Variants in CEP128 observed in about 807,000 individuals in gnomAD.
The protein encoded by CEP128 is centrosomal protein 128kDa.
Under a neutral mutation model 156.7 loss-of-function variants are expected in CEP128, and 132 were observed. The ratio of observed to expected loss-of-function variants is 0.84; its 90% CI spans 0.73 to 0.97. The LOEUF is 0.97. Ranked by LOEUF, CEP128 falls within the 50% of genes least tolerant of loss-of-function variation. The probability of loss-of-function intolerance (pLI) is 0.00; values close to 1 mark genes in which losing one functional copy is unlikely to be tolerated. For synonymous variants in CEP128, 469 were observed against 448.9 expected (o/e 1.04, Z -0.57); for missense variants, 1,252 against 1,281.9 (o/e 0.98, Z 0.36).
intron 19 of CEP128, among the ~76,000 whole-genome samples, chr14:80,628,163 A>G (rs988011356): frequency 6.6e-6 from 1 of 152,356 alleles, no homozygotes; most frequent in African/African-American, 2.4e-5. Flanking sequence ...TTTGAATAGT[A>G]AGTAGATGAT....
At chr14:80,808,922 T>C (rs1471919325) in intron 13 of CEP128, among the ~76,000 whole-genome samples, 1 of 152,120 alleles carries the variant, frequency 6.6e-6, no homozygotes, top group African/African-American at 2.4e-5. Context: ...TTACGACAGA[T>C]ATACAGATAT....
At chr14:80,583,188 T>G (rs1373155431) in intron 19 of CEP128, among the ~76,000 whole-genome samples, 1 of 152,232 alleles carries the variant, frequency 6.6e-6, no homozygotes, top group Non-Finnish European at 1.5e-5. Flanking sequence ...CCAACAAATC[T>G]GATGCCAATG....
At chr14:80,480,345 A>G (rs1249543743) in intron 14 of CEP128, among the ~76,000 whole-genome samples, 1 of 152,154 alleles carries the variant, frequency 6.6e-6, no homozygotes, top group Non-Finnish European at 1.5e-5. Context: ...TCAAACCTCA[A>G]TTCCTGACTT....
chr14:80,602,498 G>A (rs998493595), intron 19 of CEP128, among the ~76,000 whole-genome samples: 18 of 152,318 alleles, frequency 1.2e-4, no homozygotes, highest in Non-Finnish European at 2.2e-4. Flanking sequence ...GAGGCTGGGC[G>A]TGGTGGCTTA....
chr14:80,921,620 C>T (rs1884867235), intron 2 of CEP128, among the ~76,000 whole-genome samples: 1 of 151,920 alleles, frequency 6.6e-6, no homozygotes, highest in African/African-American at 2.4e-5. Flanking sequence ...TGGGGAGAAA[C>T]AGAACAAAAA....
chr14:80,630,257 A>C (rs1893906628), intron 19 of CEP128, among the ~76,000 whole-genome samples: 1 of 152,022 alleles, frequency 6.6e-6, no homozygotes, highest in Non-Finnish European at 1.5e-5. Flanking sequence ...ATGAATGAAA[A>C]TTACAGTCTA....
chr14:80,650,216 T>C (rs1311540447), intron 19 of CEP128, among the ~76,000 whole-genome samples: 1 of 152,120 alleles, frequency 6.6e-6, no homozygotes, highest in African/African-American at 2.4e-5. Context: ...GGCTCTCTGT[T>C]TGTCTATTAT....
At chr14:80,857,726 C>A (rs1240034702) in intron 9 of CEP128, among the ~76,000 whole-genome samples, 1 of 148,570 alleles carries the variant, frequency 6.7e-6, no homozygotes, top group Non-Finnish European at 1.5e-5. Context: ...AACAGAGTGA[C>A]CCCATCTCAA....
At chr14:80,503,837 C>G (rs1887848150) in intron 24 of CEP128, among the ~76,000 whole-genome samples, 1 of 152,154 alleles carries the variant, frequency 6.6e-6, no homozygotes, top group Non-Finnish European at 1.5e-5. Flanking sequence ...AGACAAAATG[C>G]TCAGCATTTA....
chr14:80,959,348 T>C (rs1253468312), intron 1 of CEP128: 1 of 152,122 alleles, frequency 6.6e-6, no homozygotes, highest in East Asian at 1.9e-4. Context: ...AGAATAAAAT[T>C]AAAAATTTAA....
rs140588839 is a variant in CEP128, at chr14:80,731,496, T to C, written c.2806+11579A>G. Among the ~76,000 whole-genome samples the C allele has an allele frequency of 6.0e-3, 911 of 152,332 alleles. 8 individuals are homozygous for C. Among genetic ancestry groups the C allele is most frequent in the African/African-American group, 0.02 (845 of 41,578 alleles). ...TCATCTCAAGGAATGAAGTAAGTAG[T>C]TGAACATTAAGATCTAATGTCACTT... is the stretch of plus-strand genomic sequence containing the variant. On this transcript the variant is annotated intron_variant, in intron 19 of 24. Transcript: ENST00000555265.
At chr14:80,897,855 G>A (rs1460531334) in intron 7 of CEP128, among the ~76,000 whole-genome samples, 2 of 152,134 alleles carry the variant, frequency 1.3e-5, no homozygotes, top group East Asian at 3.9e-4. Flanking sequence ...TCAGCTCAAT[G>A]CAGCTTCAAC....
chr14:80,593,605 A>T (rs892604835), intron 19 of CEP128, among the ~76,000 whole-genome samples: 1 of 151,902 alleles, frequency 6.6e-6, no homozygotes, highest in East Asian at 1.9e-4. Context: ...CCTTAAGCTG[A>T]TAAGCAACTT....
chr14:80,793,393 T>C (rs1901821246), intron 13 of CEP128, among the ~76,000 whole-genome samples: 2 of 152,220 alleles, frequency 1.3e-5, no homozygotes, highest in South Asian at 4.1e-4. Context: ...GAAGGCACTT[T>C]TGAAGCGAAC....
intron 20 of CEP128, among the ~76,000 whole-genome samples, chr14:80,560,268 AT>A (rs1271791372): frequency 3.3e-5 from 5 of 152,096 alleles, no homozygotes; most frequent in Non-Finnish European, 7.4e-5. Flanking sequence ...TCTACTAAAA[AT>A]TAAAAAGTAG....
At chr14:80,731,549 C>T (rs1898271597) in intron 19 of CEP128, among the ~76,000 whole-genome samples, 1 of 152,022 alleles carries the variant, frequency 6.6e-6, no homozygotes, top group South Asian at 2.1e-4. Flanking sequence ...GCGACCTTGT[C>T]AAAATGTGAT....
chr14:80,555,296 T>C (rs1217446749), intron 21 of CEP128, among the ~76,000 whole-genome samples: 1 of 152,100 alleles, frequency 6.6e-6, no homozygotes, highest in African/African-American at 2.4e-5. Context: ...GGGATCTCTG[T>C]GCTCTTATTG....
chr14:80,595,743 TAAAG>T (rs1016452635), intron 19 of CEP128, among the ~76,000 whole-genome samples: 32 of 152,254 alleles, frequency 2.1e-4, no homozygotes, highest in African/African-American at 6.7e-4. Context: ...GGGTAATTTA[TAAAG>T]AAAGAGGTTT....
At chr14:80,939,624 A>G (rs1886036939) in intron 1 of CEP128, 84 bp from the exon 2 acceptor site, 1 of 152,234 alleles carries the variant, frequency 6.6e-6, no homozygotes, top group Non-Finnish European at 1.5e-5. Flanking sequence ...TTAAGTCCCT[A>G]TGTACAGACT....
Sources: allele counts gnomAD v4.1 joint callset (sites outside exome capture counted in the v4.1 genomes callset), GRCh38; gene constraint gnomAD v4.1.1; transcripts MANE v1.5; gene names NCBI Gene and HGNC (gene_info 2026-07-23, HGNC 2026-07-21).